Variants in SPG7 observed in about 807,000 individuals in gnomAD.
SPG7 encodes the protein SPG7 matrix AAA peptidase subunit, paraplegin.
A neutral mutation model predicts 81.9 loss-of-function variants in SPG7; 103 were observed. The observed-to-expected ratio is 1.26, with a 90% CI of 1.07 to 1.48. SPG7 has a LOEUF of 1.48. Among genes scored for constraint, SPG7 ranks in the 40% most tolerant of loss-of-function variants. The pLI is 0.00. For synonymous variants in SPG7, 534 were observed against 444.2 expected (o/e 1.20, Z -2.54); for missense variants, 1,241 against 1,087.3 (o/e 1.14, Z -1.99).
intron 7 of SPG7, chr16:89,531,018 G>T: frequency 1.5e-6 from 1 of 682,474 alleles, no homozygotes; most frequent in East Asian, 2.7e-5. Flanking sequence ...CCAAGCAGAG[G>T]CTGCCAAGAC....
At chr16:89,539,157 C>G (rs114690883) in intron 9 of SPG7, 1 of 152,262 alleles carries the variant, frequency 6.6e-6, no homozygotes, top group Admixed American at 6.5e-5. Flanking sequence ...TCCTTTCACC[C>G]TCTAACGGGG....
Position 89,508,517 on chromosome 16 carries a change from C to T in SPG7, c.100C>T (p.Pro34Ser). 2.0e-6 allele frequency: 3 copies of T among 1,514,354 alleles called. No individual in the cohort carries two copies. Among genetic ancestry groups the T allele is most frequent in the Non-Finnish European group, 2.6e-6 (3 of 1,137,064 alleles). 93.8% of individuals were successfully genotyped at this position (1,514,354 alleles called of 1,614,324 possible). A position where few individuals can be genotyped will look rare whatever the true frequency, so the allele number is the denominator to read the frequency against. The change falls in exon 1 of 17, where the codon CCC becomes TCC. Residue 34 changes from proline to serine, a missense_variant. Coordinates refer to ENST00000645818, the MANE Select transcript of SPG7 (RefSeq NM_003119.4). ...AGGCCCGGCCTGGAGTCCAGGGTTC[C>T]CCGCCAGGCCCGGGAGGGGGCGGCC... Reference protein sequence around the residue: ...GPGPAWSPGFPARPGRGRPYM... With the variant: ...GPGPAWSPGFSARPGRGRPYM...
chr16:89,515,137 C>T (rs1250070407), intron 3 of SPG7, among the ~76,000 whole-genome samples: 5 of 151,442 alleles, frequency 3.3e-5, no homozygotes, highest in Admixed American at 6.6e-5. Flanking sequence ...TCGGTTTCAC[C>T]GTGTTAGCCA....
chr16:89,528,154 G>C (rs2058289536), intron 5 of SPG7, among the ~76,000 whole-genome samples: 1 of 151,650 alleles, frequency 6.6e-6, no homozygotes, highest in African/African-American at 2.4e-5. Flanking sequence ...ACTTTGGGAG[G>C]CCGAGGCGGG....
chr16:89,550,442 G>C (rs1163320784), intron 12 of SPG7, 52 bp from the exon 13 acceptor site: 7 of 1,325,636 alleles, frequency 5.3e-6, no homozygotes, highest in Non-Finnish European at 6.5e-6. Context: ...CACAGCGCTG[G>C]GATTACAGGC....
intron 1 of SPG7, 145 bp downstream of exon 1, chr16:89,508,745 T>C (rs2057967785): frequency 2.2e-6 from 2 of 927,520 alleles, no homozygotes; most frequent in Admixed American, 4.0e-5. Flanking sequence ...GCTGTGGACC[T>C]CGGCGCGGAG....
intron 9 of SPG7, chr16:89,543,366 A>AGAGG (rs2058523848): frequency 1.8e-5 from 1 of 54,392 alleles, no homozygotes; most frequent in Non-Finnish European, 3.7e-5. Flanking sequence ...TTTTTTTTTG[A>AGAGG]GAGTCTTGCT....
intron 3 of SPG7, chr16:89,523,750 G>C (rs1417811956): frequency 1.7e-6 from 1 of 582,396 alleles, no homozygotes; most frequent in Non-Finnish European, 3.1e-6. Context: ...ATTTAGAAAT[G>C]GTTTCCTCTT....
intron 2 of SPG7, among the ~76,000 whole-genome samples, chr16:89,512,366 A>G (rs1411222373): frequency 4.6e-5 from 7 of 151,868 alleles, no homozygotes; most frequent in Non-Finnish European, 4.4e-5. Flanking sequence ...ACCAGGCTGG[A>G]GTGCAGTGGT....
At chr16:89,531,095 G>C (rs2058335863) in intron 7 of SPG7, 2 of 527,356 alleles carry the variant, frequency 3.8e-6, no homozygotes, top group Non-Finnish European at 6.9e-6. Flanking sequence ...GCTTTTTCCA[G>C]AACCACATAA....
chr16:89,548,578 C>T (rs776836490), intron 12 of SPG7: 17 of 285,536 alleles, frequency 6.0e-5, no homozygotes, highest in Non-Finnish European at 1.1e-4. Context: ...TGTGGATCTG[C>T]AGCACCACCT....
At chr16:89,548,677 C>T (rs1358024403) in intron 12 of SPG7, 6 of 337,880 alleles carry the variant, frequency 1.8e-5, no homozygotes, top group South Asian at 6.8e-5. Context: ...CTCTGACTGC[C>T]GTTCCGTGGC....
At chr16:89,543,412 G>A (rs1022108397) in intron 9 of SPG7, 1 of 145,500 alleles carries the variant, frequency 6.9e-6, no homozygotes, top group Non-Finnish European at 1.5e-5. Flanking sequence ...ACACAATCTC[G>A]GTTCACTGTA....
intron 12 of SPG7, chr16:89,549,160 A>G (rs1253678421): frequency 6.6e-6 from 3 of 456,616 alleles, no homozygotes; most frequent in African/African-American, 4.0e-5. Context: ...TTATGTGGAA[A>G]TCGAAAAGCT....
intron 10 of SPG7, 34 bp from the exon 11 acceptor site, chr16:89,546,624 A>T: frequency 2.9e-6 from 4 of 1,371,358 alleles, no homozygotes; most frequent in Non-Finnish European, 4.1e-6. Context: ...ACTAGGCTTG[A>T]GCCCGACTGT....
chr16:89,550,411 C>A, intron 12 of SPG7, 83 bp from the exon 13 acceptor site: 1 of 924,690 alleles, frequency 1.1e-6, no homozygotes, highest in South Asian at 1.3e-5. Flanking sequence ...GTCCTCAGGT[C>A]ATCCGCCCGC....
intron 3 of SPG7, among the ~76,000 whole-genome samples, chr16:89,515,037 C>T (rs1425460579): frequency 3.4e-5 from 5 of 148,842 alleles, no homozygotes; most frequent in African/African-American, 5.0e-5. Context: ...CCCAGGTTCA[C>T]GCCATTCTCC....
At chr16:89,535,282 C>T (rs909981354) in intron 9 of SPG7, among the ~76,000 whole-genome samples, 2 of 152,180 alleles carry the variant, frequency 1.3e-5, no homozygotes, top group African/African-American at 4.8e-5. Context: ...TGTGCTGGCG[C>T]CCGTCTCTTC....
At chr16:89,546,833 C>A in intron 11 of SPG7, 73 bp downstream of exon 11, 1 of 966,332 alleles carries the variant, frequency 1.0e-6, no homozygotes, top group South Asian at 1.3e-5. Flanking sequence ...CAAACAGCAT[C>A]GAGGCCTCCT....
Sources: allele counts gnomAD v4.1 joint callset (sites outside exome capture counted in the v4.1 genomes callset), GRCh38; gene constraint gnomAD v4.1.1; transcripts MANE v1.5; gene names NCBI Gene and HGNC (gene_info 2026-07-23, HGNC 2026-07-21).